The following L3MBTL4 variants were observed in gnomAD, a reference collection of about 807,000 sequenced individuals.
The protein encoded by L3MBTL4 is lethal(3)malignant brain tumor-like protein 4.
In L3MBTL4, 70 loss-of-function variants were observed where a neutral mutation model predicts 84.5. That is an observed-to-expected ratio of 0.83 (90% CI 0.68 to 1.01). The LOEUF (loss-of-function observed/expected upper bound fraction) is 1.01. Among genes scored for constraint, L3MBTL4 ranks in the 50% least tolerant of loss-of-function variants. The pLI, the probability that L3MBTL4 is intolerant of heterozygous loss-of-function variation, is 0.00. For synonymous variants in L3MBTL4, 274 were observed against 259.8 expected (o/e 1.05, Z -0.52); for missense variants, 715 against 754.8 (o/e 0.95, Z 0.62).
At chr18:5,989,013 G>A (rs2053576742) in intron 16 of L3MBTL4, among the ~76,000 whole-genome samples, 1 of 152,190 alleles carries the variant, frequency 6.6e-6, no homozygotes, top group African/African-American at 2.4e-5. Flanking sequence ...GTGCACCTTT[G>A]AGGACTTCCA....
At chr18:6,240,933 C>T (rs980245858) in intron 8 of L3MBTL4, among the ~76,000 whole-genome samples, 5 of 152,188 alleles carry the variant, frequency 3.3e-5, no homozygotes, top group Non-Finnish European at 5.9e-5. Flanking sequence ...CCGCAGAACA[C>T]CCCTTCAATT....
At chr18:6,077,577 G>C (rs1451137426) in intron 16 of L3MBTL4, among the ~76,000 whole-genome samples, 2 of 152,100 alleles carry the variant, frequency 1.3e-5, no homozygotes, top group African/African-American at 4.8e-5. Context: ...AAGTTTTCCA[G>C]TGAAAATGGA....
intron 16 of L3MBTL4, among the ~76,000 whole-genome samples, chr18:5,995,377 AT>A (rs565650768): frequency 1.1e-4 from 16 of 151,234 alleles, no homozygotes; most frequent in Admixed American, 9.2e-4. Flanking sequence ...AGCCTGAACC[AT>A]TTTTTTTTCT....
intron 14 of L3MBTL4, among the ~76,000 whole-genome samples, chr18:6,093,985 T>G (rs973407788): frequency 6.6e-6 from 1 of 152,238 alleles, no homozygotes; most frequent in Admixed American, 6.5e-5. Flanking sequence ...AGAAACACTC[T>G]ATCTGCAGAT....
rs745978349 is a variant in L3MBTL4, at chr18:6,077,183, G to T, written c.1444+3698C>A. Among the ~76,000 whole-genome samples, 37 of 152,256 alleles carry T rather than the reference G, an allele frequency of 2.4e-4. 1 individual carries two copies. In the Middle Eastern group the frequency reaches 0.01, roughly 42 times the overall value. On this transcript the variant is annotated intron_variant, in intron 16 of 18. Transcript: ENST00000317931. ...CATGCATTATTTTACTTCGCAAAAG[G>T]CCCAAAGAATAATTATCACTTGTCA...
intron 18 of L3MBTL4, among the ~76,000 whole-genome samples, chr18:5,957,725 G>A (rs1460728517): frequency 6.6e-6 from 1 of 152,022 alleles, no homozygotes; most frequent in African/African-American, 2.4e-5. Flanking sequence ...GGAGGCCGAG[G>A]TGGGCAGATC....
intron 1 of L3MBTL4, among the ~76,000 whole-genome samples, chr18:6,385,330 A>T (rs2054775240): frequency 6.6e-6 from 1 of 152,174 alleles, no homozygotes; most frequent in Non-Finnish European, 1.5e-5. Context: ...AGAGCACAGG[A>T]GTTTGAGGCT....
At chr18:6,020,834 T>C (rs1046738119) in intron 16 of L3MBTL4, among the ~76,000 whole-genome samples, 5 of 152,130 alleles carry the variant, frequency 3.3e-5, no homozygotes, top group African/African-American at 1.2e-4. Context: ...GTTTCATATG[T>C]CTGGGGTGGA....
intron 13 of L3MBTL4, among the ~76,000 whole-genome samples, chr18:6,152,673 T>C (rs1239684269): frequency 6.6e-6 from 1 of 152,210 alleles, no homozygotes; most frequent in Non-Finnish European, 1.5e-5. Context: ...GTCGGGTTTG[T>C]ATCTATTTTC....
At chr18:6,347,344 C>A (rs2052960066) in intron 1 of L3MBTL4, among the ~76,000 whole-genome samples, 1 of 149,402 alleles carries the variant, frequency 6.7e-6, no homozygotes, top group South Asian at 2.1e-4. Context: ...GTGTTCTTAC[C>A]CCCAAAAAAG....
At chr18:6,387,196 G>A (rs2054859379) in intron 1 of L3MBTL4, among the ~76,000 whole-genome samples, 1 of 152,170 alleles carries the variant, frequency 6.6e-6, no homozygotes, top group African/African-American at 2.4e-5. Flanking sequence ...TGAGGTCTGG[G>A]AACCTCCAGG....
chr18:6,283,501 A>T (rs2049415608), intron 4 of L3MBTL4, among the ~76,000 whole-genome samples: 1 of 152,198 alleles, frequency 6.6e-6, no homozygotes, highest in Non-Finnish European at 1.5e-5. Flanking sequence ...TAATTTAATT[A>T]AAACTATTTA....
intron 5 of L3MBTL4, among the ~76,000 whole-genome samples, chr18:6,262,950 TA>T (rs1488966834): frequency 6.6e-6 from 1 of 152,214 alleles, no homozygotes; most frequent in Non-Finnish European, 1.5e-5. Flanking sequence ...TCATGAAAAG[TA>T]AACCAAATAA....
intron 16 of L3MBTL4, among the ~76,000 whole-genome samples, chr18:6,002,066 T>C (rs1352985212): frequency 6.6e-6 from 1 of 152,162 alleles, no homozygotes; most frequent in African/African-American, 2.4e-5. Flanking sequence ...GACTCATCAT[T>C]ACAGGAATCT....
At chr18:6,168,672 T>C (rs1401789649) in intron 13 of L3MBTL4, among the ~76,000 whole-genome samples, 1 of 151,718 alleles carries the variant, frequency 6.6e-6, no homozygotes, top group Non-Finnish European at 1.5e-5. Context: ...ATACAAAAAT[T>C]AATTCAAGAT....
At chr18:6,039,750 T>G (rs1013248230) in intron 16 of L3MBTL4, among the ~76,000 whole-genome samples, 1 of 152,212 alleles carries the variant, frequency 6.6e-6, no homozygotes, top group Non-Finnish European at 1.5e-5. Flanking sequence ...TAGAAAAGGG[T>G]CAAGTGTCTT....
chr18:6,298,495 C>T (rs1228672345), intron 4 of L3MBTL4, among the ~76,000 whole-genome samples: 1 of 152,096 alleles, frequency 6.6e-6, no homozygotes, highest in Non-Finnish European at 1.5e-5. Flanking sequence ...TTATGATGTA[C>T]TTTAATGTAG....
intron 17 of L3MBTL4, among the ~76,000 whole-genome samples, chr18:5,962,019 G>A (rs1465038561): frequency 1.3e-5 from 2 of 152,168 alleles, no homozygotes; most frequent in Admixed American, 1.3e-4. Context: ...GTCTATGTGT[G>A]AGGCCTCATG....
chr18:6,288,958 T>C (rs1472913419), intron 4 of L3MBTL4, among the ~76,000 whole-genome samples: 3 of 151,892 alleles, frequency 2.0e-5, no homozygotes, highest in Non-Finnish European at 4.4e-5. Context: ...AAGTCCCTTC[T>C]TGCGTCCTTA....
Sources: allele counts gnomAD v4.1 joint callset (sites outside exome capture counted in the v4.1 genomes callset), GRCh38; gene constraint gnomAD v4.1.1; transcripts MANE v1.5; gene names NCBI Gene and HGNC (gene_info 2026-07-23, HGNC 2026-07-21).